Variants in TOP1 observed in about 807,000 individuals in gnomAD.
TOP1 encodes DNA topoisomerase 1.
Under a neutral mutation model 111.1 loss-of-function variants are expected in TOP1, and 10 were observed. The ratio of observed to expected loss-of-function variants is 0.09; its 90% CI spans 0.06 to 0.15. The LOEUF is 0.15. Among genes scored for constraint, TOP1 ranks in the 10% least tolerant of loss-of-function variants. The pLI is 1.00. For synonymous variants in TOP1, 271 were observed against 302.9 expected (o/e 0.89, Z 1.10); for missense variants, 474 against 926.7 (o/e 0.51, Z 6.34).
At chr20:41,055,375 A>T (rs1416976999) in intron 2 of TOP1, among the ~76,000 whole-genome samples, 1 of 152,234 alleles carries the variant, frequency 6.6e-6, no homozygotes, top group African/African-American at 2.4e-5. Flanking sequence ...TAAGGGGAAA[A>T]GGTATGTGCT....
At chr20:41,035,486 A>C (rs1353554982) in intron 2 of TOP1, among the ~76,000 whole-genome samples, 1 of 152,240 alleles carries the variant, frequency 6.6e-6, no homozygotes, top group African/African-American at 2.4e-5. Flanking sequence ...TAAAGCAATC[A>C]GTATTTTTAG....
At chr20:41,086,057 G>A (rs2033843841) in intron 8 of TOP1, among the ~76,000 whole-genome samples, 1 of 152,190 alleles carries the variant, frequency 6.6e-6, no homozygotes, top group Admixed American at 6.5e-5. Context: ...GAGGTCAGGA[G>A]TTCGAGACCA....
chr20:41,097,352 C>T lies in TOP1; in HGVS notation c.852+11C>T, dbSNP rs767164972. The T allele has an allele frequency of 6.4e-5, 103 of 1,610,348 alleles. 1 individual carries two copies. The South Asian group carries it at 1.0e-3, about 16-fold the overall frequency. On this transcript the variant is annotated intron_variant, in intron 10 of 20. Coordinates refer to ENST00000361337, the MANE Select transcript of TOP1 (RefSeq NM_003286.4). The surrounding 1 kb of genome is among the most constrained non-coding windows in gnomAD (Gnocchi z 4.2). Reference sequence around the variant, plus strand: ...AAAGACTGGAGAAAGGTACTGTAGCCCATGTGTTAATATCCTAGTACCTTG... The same window carrying T: ...AAAGACTGGAGAAAGGTACTGTAGCTCATGTGTTAATATCCTAGTACCTTG...
chr20:41,060,352 T>C lies in TOP1; in HGVS notation c.59-1042T>C, dbSNP rs541640114. 2.0e-5 allele frequency among the ~76,000 whole-genome samples: 3 copies of C among 152,316 alleles called. 1 individual carries two copies. The South Asian group carries it at 6.2e-4, about 32-fold the overall frequency. On this transcript the variant is annotated intron_variant, in intron 2 of 20. Coordinates refer to ENST00000361337, the MANE Select transcript of TOP1 (RefSeq NM_003286.4). ...AACCAACAACTGATATATCCAACAA[T>C]GTGGATGAATGTCACAAATGTTATG...
At chr20:41,052,067 A>G (rs1600560513) in intron 2 of TOP1, among the ~76,000 whole-genome samples, 1 of 152,346 alleles carries the variant, frequency 6.6e-6, no homozygotes, top group Non-Finnish European at 1.5e-5. Context: ...AAGCAAATTT[A>G]CTAAGGTCAT....
chr20:41,113,893 A>AAC (rs2145965585), intron 14 of TOP1, 77 bp from the exon 15 acceptor site: 2 of 1,248,148 alleles, frequency 1.6e-6, no homozygotes, highest in South Asian at 1.6e-5. Context: ...AAAAAAAAAA[A>AAC]AAAAAACACA....
intron 2 of TOP1, among the ~76,000 whole-genome samples, chr20:41,031,660 C>G (rs1454471597): frequency 6.6e-6 from 1 of 152,096 alleles, no homozygotes; most frequent in Admixed American, 6.6e-5. Context: ...TGAGTTAGGT[C>G]CTGTTATTTC....
chr20:41,089,291 G>GC (rs1332952482), intron 8 of TOP1, among the ~76,000 whole-genome samples: 1 of 152,116 alleles, frequency 6.6e-6, no homozygotes, highest in Non-Finnish European at 1.5e-5. Context: ...CTCCCAAAGT[G>GC]CTGGGATTAC....
At chr20:41,038,193 A>G (rs1185865418) in intron 2 of TOP1, among the ~76,000 whole-genome samples, 1 of 152,082 alleles carries the variant, frequency 6.6e-6, no homozygotes, top group Non-Finnish European at 1.5e-5. Context: ...CCACCACCCC[A>G]TAATAGAGAC....
chr20:41,044,786 G>T (rs958994276), intron 2 of TOP1, among the ~76,000 whole-genome samples: 1 of 152,120 alleles, frequency 6.6e-6, no homozygotes, highest in Non-Finnish European at 1.5e-5. Context: ...GTCTGTGTGT[G>T]TGTGAGTGAG....
chr20:41,105,559 G>A (rs1198550726), intron 13 of TOP1, among the ~76,000 whole-genome samples: 6 of 152,188 alleles, frequency 3.9e-5, no homozygotes, highest in Admixed American at 2.0e-4. Flanking sequence ...GTACAGTGGC[G>A]TGATCTTGGC....
At position 41,078,581 on chromosome 20, in the gene TOP1, G is replaced by A. The variant is rs2033755106; in HGVS notation, c.335+944G>A. 6.6e-6 allele frequency among the ~76,000 whole-genome samples: 1 copy of A among 152,196 alleles called. No individual in the cohort carries two copies. The highest frequency in any genetic ancestry group is 1.5e-5 in the Non-Finnish European group (1 of 68,026). ...AGGAATGCAGAATAATACAATTCAGGAAGCATTAGAGCTGCAAGCTGCCCT... is the reference window on the plus strand; with the variant it reads ...AGGAATGCAGAATAATACAATTCAGAAAGCATTAGAGCTGCAAGCTGCCCT... On this transcript the variant is annotated intron_variant, in intron 5 of 20. Transcript: ENST00000361337. This position sits in a 1 kb window ranked among gnomAD's most constrained non-coding sequence, Gnocchi z 5.3.
At chr20:41,063,260 G>A (rs1027324665) in intron 3 of TOP1, among the ~76,000 whole-genome samples, 1 of 152,252 alleles carries the variant, frequency 6.6e-6, no homozygotes, top group Middle Eastern at 3.4e-3. Context: ...TGCTACAAAG[G>A]ACATGATTCA....
At position 41,092,749 on chromosome 20, in the gene TOP1, T is replaced by A. The variant is rs1208167063; in HGVS notation, c.730+162T>A. ...GGAAGGGGCATCAGGTGTTAACTCT[T>A]AAAGGCTCATTTGCTGCTGAAAAAG... On this transcript the variant is annotated intron_variant, in intron 9 of 20. Transcript: ENST00000361337. The surrounding 1 kb of genome is among the most constrained non-coding windows in gnomAD (Gnocchi z 4.3). Among the ~76,000 whole-genome samples the A allele has an allele frequency of 6.6e-6, 1 of 152,202 alleles. No individual in the cohort carries two copies. The highest frequency in any genetic ancestry group is 1.9e-4 in the East Asian group (1 of 5,202).
rs1040775318 is a variant in TOP1 at position 41,116,183 on chromosome 20, A to C, written c.1708-95A>C. The C allele has an allele frequency of 5.4e-6, 4 of 746,386 alleles. No individual in the cohort carries two copies. Among genetic ancestry groups the C allele is most frequent in the Non-Finnish European group, 9.1e-6 (4 of 437,748 alleles). 46.2% of individuals were successfully genotyped at this position (746,386 alleles called of 1,614,324 possible). On this transcript the variant is annotated intron_variant, in intron 16 of 20. Transcript: ENST00000361337. The surrounding 1 kb of genome is among the most constrained non-coding windows in gnomAD (Gnocchi z 5.6). ...CACTTGTAGGGCAATAAACTTGACAAGATTGTGACTGCACTGGCATAAATT... is the reference window on the plus strand; with the variant it reads ...CACTTGTAGGGCAATAAACTTGACACGATTGTGACTGCACTGGCATAAATT...
chr20:41,103,901 A>G (rs1017394246), intron 13 of TOP1, among the ~76,000 whole-genome samples: 1 of 151,882 alleles, frequency 6.6e-6, no homozygotes, highest in Non-Finnish European at 1.5e-5. Context: ...TAGAGGCTGG[A>G]TCAGGTACCC....
chr20:41,084,709 G>T (rs1423046375), intron 8 of TOP1, 141 bp downstream of exon 8: 1 of 572,736 alleles, frequency 1.7e-6, no homozygotes, highest in Non-Finnish European at 3.0e-6. Context: ...ACTTTCTGAA[G>T]TAAGTTTTCC....
rs546656543 is a variant in TOP1 at position 41,092,903 on chromosome 20, C to T, written c.730+316C>T. On this transcript the variant is annotated intron_variant, in intron 9 of 20. Coordinates refer to ENST00000361337, the MANE Select transcript of TOP1 (RefSeq NM_003286.4). This position sits in a 1 kb window ranked among gnomAD's most constrained non-coding sequence, Gnocchi z 4.3. ...ACTTCATTTCTAGGGAGCAACTCTT[C>T]GCAAGAGTTATTAGAAAAGCCTCAC... is the stretch of plus-strand genomic sequence containing the variant. Among the ~76,000 whole-genome samples the T allele has an allele frequency of 7.9e-5, 12 of 152,122 alleles. No individual in the cohort carries two copies. Among genetic ancestry groups the T allele is most frequent in the Admixed American group, 2.0e-4 (3 of 15,280 alleles).
At chr20:41,049,894 A>G (rs2033382376) in intron 2 of TOP1, among the ~76,000 whole-genome samples, 1 of 152,204 alleles carries the variant, frequency 6.6e-6, no homozygotes, top group Admixed American at 6.5e-5. Flanking sequence ...GGAATCCCAT[A>G]GTTTCAATGA....
Sources: gnomAD v4.1 joint callset for allele counts (sites outside exome capture counted in the v4.1 genomes callset) on GRCh38, gnomAD v4.1.1 for gene constraint, Gnocchi (gnomAD v3.1) non-coding constraint, MANE v1.5 for transcripts, NCBI Gene and HGNC (gene_info 2026-07-23, HGNC 2026-07-21) for gene names.